SOX6: variants seen among roughly 807,000 people sequenced by gnomAD.
SOX6 encodes SRY-box transcription factor 6, also known as transcription factor SOX-6.
SOX6 carries 11 observed loss-of-function variants against 97.8 expected under a neutral mutation model. The observed-to-expected ratio is 0.11, with a 90% CI of 0.07 to 0.19. The LOEUF (loss-of-function observed/expected upper bound fraction) is 0.19, where lower values mean the gene tolerates loss of function less well. SOX6 is among the 10% of genes least tolerant of loss of function. The probability of loss-of-function intolerance (pLI) is 1.00; values close to 1 mark genes in which losing one functional copy is unlikely to be tolerated. For missense variants in SOX6, 810 were observed against 1,039.5 expected (o/e 0.78, Z 3.04); for synonymous variants, 360 against 371.4 (o/e 0.97, Z 0.35).
upstream of SOX6, among the ~76,000 whole-genome samples, chr11:16,358,878 T>C (rs951538183): frequency 1.3e-5 from 2 of 152,088 alleles, no homozygotes; most frequent in East Asian, 3.9e-4. Context: ...ACCAGAGAAG[T>C]TGCCAGTTCT....
intron 7 of SOX6, among the ~76,000 whole-genome samples, chr11:16,106,642 A>G (rs1351975793): frequency 1.3e-5 from 2 of 152,056 alleles, no homozygotes; most frequent in African/African-American, 4.8e-5. Context: ...CTAAACCCTT[A>G]GAAGAAAACA....
chr11:16,721,392 AG>A (rs1394593020), intron 2 of SOX6, among the ~76,000 whole-genome samples: 3 of 152,220 alleles, frequency 2.0e-5, no homozygotes, highest in Admixed American at 6.5e-5. Flanking sequence ...TTCTCCCCCA[AG>A]GGGGAAACTT....
chr11:16,658,351 C>T (rs1448444153), intron 3 of SOX6, among the ~76,000 whole-genome samples: 1 of 152,128 alleles, frequency 6.6e-6, no homozygotes, highest in African/African-American at 2.4e-5. Context: ...GGTCATCTAT[C>T]TTATAGATTT....
intron 1 of SOX6, among the ~76,000 whole-genome samples, chr11:16,468,721 A>G (rs1860086768): frequency 6.6e-6 from 1 of 152,166 alleles, no homozygotes. Flanking sequence ...CCAAATTTTT[A>G]GAGTTGAAAA....
chr11:16,635,574 C>T (rs1024147112), intron 3 of SOX6, among the ~76,000 whole-genome samples: 8 of 152,170 alleles, frequency 5.3e-5, no homozygotes, highest in African/African-American at 1.9e-4. Context: ...GACCTGTTTT[C>T]TGGGGGAGAA....
intron 4 of SOX6, among the ~76,000 whole-genome samples, chr11:16,598,263 G>A (rs983003739): frequency 1.3e-5 from 2 of 152,008 alleles, no homozygotes; most frequent in Non-Finnish European, 2.9e-5. Context: ...GATATATTGG[G>A]AGGAGAGGAG....
chr11:16,429,923 G>A (rs1479415650), intron 1 of SOX6, among the ~76,000 whole-genome samples: 1 of 152,176 alleles, frequency 6.6e-6, no homozygotes, highest in African/African-American at 2.4e-5. Flanking sequence ...GCTCTGCTAT[G>A]TCTTAGTAAT....
At chr11:16,235,116 C>G (rs999126217) in intron 3 of SOX6, among the ~76,000 whole-genome samples, 5 of 151,986 alleles carry the variant, frequency 3.3e-5, no homozygotes, top group Admixed American at 6.6e-5. Context: ...CCCAATCAAT[C>G]TGTAACCACT....
chr11:16,304,129 T>C (rs1273949590), intron 3 of SOX6, among the ~76,000 whole-genome samples: 4 of 152,186 alleles, frequency 2.6e-5, no homozygotes, highest in Non-Finnish European at 5.9e-5. Flanking sequence ...TTGGCCAAGC[T>C]GGTCTCAAAC....
intron 3 of SOX6, among the ~76,000 whole-genome samples, chr11:16,634,604 T>C (rs967262794): frequency 6.6e-6 from 1 of 152,240 alleles, no homozygotes; most frequent in African/African-American, 2.4e-5. Context: ...ATTTAGTGGG[T>C]ACTGATTATT....
chr11:16,476,337 C>A (rs1247723657), exon 1 of SOX6: 2 of 152,296 alleles, frequency 1.3e-5, no homozygotes, highest in Admixed American at 6.6e-5. Flanking sequence ...AAAATATCAG[C>A]CCCAGCACCC....
At chr11:16,380,255 A>C (rs890072536) in intron 1 of SOX6, among the ~76,000 whole-genome samples, 1 of 152,084 alleles carries the variant, frequency 6.6e-6, no homozygotes, top group Non-Finnish European at 1.5e-5. Flanking sequence ...TCACATGTTA[A>C]CTTTTTAAGA....
rs1486142545 is a variant in SOX6 at position 16,590,830 on chromosome 11, G to C, written n.609+21251C>G. Among the ~76,000 whole-genome samples the C allele has an allele frequency of 2.0e-5, 3 of 152,204 alleles. No individual in the cohort carries two copies. The East Asian group carries it at 5.8e-4, about 29-fold the overall frequency. Reference sequence around the variant, plus strand: ...GAAGGGTAGTCAGGGAGGTGGGCAAGTGGATATGCTTAATGGTACAAAAAT... The same window carrying C: ...GAAGGGTAGTCAGGGAGGTGGGCAACTGGATATGCTTAATGGTACAAAAAT... On this transcript the variant is annotated intron_variant and non_coding_transcript_variant, in intron 4 of 5. Transcript: ENST00000524520.
chr11:15,977,728 C>T (rs559254027), intron 15 of SOX6, among the ~76,000 whole-genome samples: 12 of 152,160 alleles, frequency 7.9e-5, no homozygotes, highest in Admixed American at 2.0e-4. Flanking sequence ...TGCTGTACTT[C>T]AAATAGGCCT....
upstream of SOX6, among the ~76,000 whole-genome samples, chr11:16,480,077 AAT>A (rs1860318257): frequency 6.6e-6 from 1 of 152,126 alleles, no homozygotes; most frequent in South Asian, 2.1e-4. Context: ...TTGAATAAAA[AAT>A]ATGTGTATAA....
intron 6 of SOX6, among the ~76,000 whole-genome samples, chr11:16,143,167 AC>A (rs1850193026): frequency 6.6e-6 from 1 of 152,234 alleles, no homozygotes; most frequent in African/African-American, 2.4e-5. Context: ...CAGAAACTCT[AC>A]AAGCCAGAAT....
At chr11:16,317,723 C>G (rs1237518063) in intron 3 of SOX6, 1 of 155,962 alleles carries the variant, frequency 6.4e-6, no homozygotes, top group Non-Finnish European at 1.4e-5. Flanking sequence ...GTAATAAATC[C>G]AGAACTATTA....
At chr11:16,182,951 G>A (rs1851381954) in intron 6 of SOX6, among the ~76,000 whole-genome samples, 1 of 151,632 alleles carries the variant, frequency 6.6e-6, no homozygotes, top group East Asian at 1.9e-4. Flanking sequence ...CTCAAGAAAA[G>A]TAATAACATA....
intron 2 of SOX6, among the ~76,000 whole-genome samples, chr11:16,322,513 T>C (rs1855958985): frequency 6.6e-6 from 1 of 152,194 alleles, no homozygotes; most frequent in Non-Finnish European, 1.5e-5. Context: ...TATTTCTTTA[T>C]AGCAGTGTGA....
Sources: gnomAD v4.1 joint callset for allele counts (sites outside exome capture counted in the v4.1 genomes callset) on GRCh38, gnomAD v4.1.1 for gene constraint, MANE v1.5 for transcripts, NCBI Gene and HGNC (gene_info 2026-07-23, HGNC 2026-07-21) for gene names.